Variants in SPI1 observed in about 807,000 individuals in gnomAD.
The protein encoded by SPI1 is Spi-1 proto-oncogene, also known as transcription factor PU.1.
In SPI1, 3 loss-of-function variants were observed where a neutral mutation model predicts 30.7. The observed-to-expected ratio is 0.10, with a 90% CI of 0.04 to 0.25. The LOEUF (loss-of-function observed/expected upper bound fraction) is 0.25. SPI1 is among the 10% of genes least tolerant of loss of function. SPI1 has a pLI of 1.00. For missense variants in SPI1, 261 were observed against 371.5 expected, an observed-to-expected ratio of 0.70 and a Z score of 2.45; for synonymous variants, 169 against 157.1, an observed-to-expected ratio of 1.08 and a Z score of -0.56.
chr11:47,375,447 C>T lies in SPI1; in HGVS notation c.142+186G>A, dbSNP rs1033082689. 2.6e-5 allele frequency among the ~76,000 whole-genome samples: 4 copies of T among 152,346 alleles called. No homozygotes were observed. Among genetic ancestry groups the T allele is most frequent in the South Asian group, 2.1e-4 (1 of 4,826 alleles). ...CGCACCTTGACACACTGCAGAGGCT[C>T]CATAATGGAGGCTCAGGTGTGGGGG... On this transcript the variant is annotated intron_variant, in intron 2 of 4. Transcript: ENST00000378538. This position sits in a 1 kb window ranked among gnomAD's most constrained non-coding sequence, Gnocchi z 4.2.
chr11:47,358,412 G>A (rs901615702), intron 4 of SPI1: 32 of 626,104 alleles, frequency 5.1e-5, no homozygotes, highest in Non-Finnish European at 7.3e-5. Context: ...CTGCTCACAC[G>A]CACTGAAATA....
Position 47,359,133 on chromosome 11 carries a change from T to G in SPI1, c.331-127A>C. The stretch of plus-strand genomic sequence containing the variant: ...GGGGACAATGGCAGGCACAGGAGAC[T>G]GGAGGAAGAAGACCAGGGAAAAGGG... On this transcript the variant is annotated intron_variant, in intron 3 of 4. Coordinates refer to ENST00000378538, the MANE Select transcript of SPI1 (RefSeq NM_003120.3). This position sits in a 1 kb window ranked among gnomAD's most constrained non-coding sequence, Gnocchi z 5.1. 3.1e-6 allele frequency: 2 copies of G among 648,960 alleles called. No homozygotes were observed. The highest frequency in any genetic ancestry group is 5.4e-5 in the Admixed American group (1 of 18,376). 40.2% of individuals were successfully genotyped at this position (648,960 alleles called of 1,614,324 possible).
chr11:47,363,956 C>T lies in SPI1; in HGVS notation c.143-3916G>A, dbSNP rs1215256405. ...CCCGCCTGGGCAATAGAGCCAGACT[C>T]GGTCTCCAAAAAAAAAAAAAAAAAA... On this transcript the variant is annotated intron_variant, in intron 2 of 4. Coordinates refer to ENST00000378538, the MANE Select transcript of SPI1 (RefSeq NM_003120.3). 6.4e-5 allele frequency among the ~76,000 whole-genome samples: 5 copies of T among 77,864 alleles called. 1 individual carries two copies. The highest frequency in any genetic ancestry group is 4.9e-4 in the Admixed American group (3 of 6,164). The allele number at this position is 77,864 out of a possible 152,430, so 51.1% of individuals were successfully genotyped here. A position where few individuals can be genotyped will look rare whatever the true frequency, so the allele number is the denominator to read the frequency against.
At chr11:47,362,776 A>G (rs577769069) in intron 2 of SPI1, among the ~76,000 whole-genome samples, 2 of 151,744 alleles carry the variant, frequency 1.3e-5, no homozygotes, top group South Asian at 4.2e-4. Context: ...GGGTTTCACT[A>G]TATTGGCCAG....
intron 4 of SPI1, among the ~76,000 whole-genome samples, chr11:47,357,479 G>A (rs995312983): frequency 2.0e-5 from 3 of 150,772 alleles, no homozygotes; most frequent in Non-Finnish European, 3.0e-5. Flanking sequence ...ACACTCAAAT[G>A]CTCACACACA....
intron 4 of SPI1, among the ~76,000 whole-genome samples, chr11:47,357,904 C>T (rs572681011): frequency 9.2e-5 from 14 of 152,098 alleles, no homozygotes; most frequent in African/African-American, 2.9e-4. Context: ...ATTCACACAC[C>T]TGCTTTCACA....
rs750423772 is a variant in SPI1 at position 47,359,873 on chromosome 11, G to A, written c.310C>T (p.His104Tyr). The change falls in exon 3 of 5, where the codon CAT (histidine) becomes TAT (tyrosine). Residue 104 changes from histidine to tyrosine, a missense_variant. Physicochemically the swap from His to Tyr is moderately conservative, Grantham distance 83 (BLOSUM62 2). Transcript: ENST00000378538. This position sits in a 1 kb window ranked among gnomAD's most constrained non-coding sequence, Gnocchi z 5.1. Reference sequence around the variant, plus strand: ...TGCACCTGGTGGCCAAGACTGGGATGGGGTGGCACCATGGGGGTATCGAGG... The same window carrying A: ...TGCACCTGGTGGCCAAGACTGGGATAGGGTGGCACCATGGGGGTATCGAGG... ...HVLDTPMVPP[H>Y]PSLGHQVSYL... 2 of 1,607,068 alleles carry A rather than the reference G, an allele frequency of 1.2e-6. No homozygotes were observed. Among genetic ancestry groups the A allele is most frequent in the Non-Finnish European group, 1.7e-6 (2 of 1,179,822 alleles).
chr11:47,369,330 C>A (rs2095932541), intron 2 of SPI1, among the ~76,000 whole-genome samples: 3 of 151,974 alleles, frequency 2.0e-5, no homozygotes, highest in South Asian at 4.2e-4. Flanking sequence ...TTGAATCTGT[C>A]CCCCCCTTTC....
intron 2 of SPI1, 110 bp from the exon 3 acceptor site, chr11:47,360,150 C>T (rs934193112): frequency 2.1e-5 from 20 of 970,244 alleles, no homozygotes; most frequent in African/African-American, 1.8e-4. Flanking sequence ...CTAACCATCT[C>T]GTTTAACCCT....
At chr11:47,364,113 C>G (rs1300549401) in intron 2 of SPI1, among the ~76,000 whole-genome samples, 1 of 54,532 alleles carries the variant, frequency 1.8e-5, no homozygotes, top group Non-Finnish European at 3.5e-5. Flanking sequence ...TGCAGTGGCA[C>G]GATCTTGGCT....
At chr11:47,364,899 T>G (rs908838753) in intron 2 of SPI1, among the ~76,000 whole-genome samples, 1 of 152,218 alleles carries the variant, frequency 6.6e-6, no homozygotes, top group Admixed American at 6.5e-5. Context: ...AAGGAGGTTT[T>G]GTGCTCACAA....
chr11:47,375,620 GC>G lies in SPI1; in HGVS notation c.142+12del, dbSNP rs1290725245. Reference sequence around the variant, plus strand: ...GGGCTGGGGGATGGGGGCGTGGCAGGCCCCGTACTCACCGCTATGGCTCTCC... The same window carrying G: ...GGGCTGGGGGATGGGGGCGTGGCAGGCCCGTACTCACCGCTATGGCTCTCC... On this transcript the variant is annotated intron_variant, in intron 2 of 4. Transcript: ENST00000378538. The surrounding 1 kb of genome is among the most constrained non-coding windows in gnomAD (Gnocchi z 4.2). The G allele has an allele frequency of 6.2e-7, 1 of 1,606,176 alleles. No individual in the cohort carries two copies. Among genetic ancestry groups the G allele is most frequent in the Non-Finnish European group, 8.5e-7 (1 of 1,172,912 alleles).
intron 1 of SPI1, among the ~76,000 whole-genome samples, chr11:47,376,013 G>A (rs1292713833): frequency 2.0e-5 from 3 of 151,716 alleles, no homozygotes; most frequent in East Asian, 1.9e-4. Flanking sequence ...TCACACTCAC[G>A]CCTGTGTGCC....
intron 2 of SPI1, among the ~76,000 whole-genome samples, chr11:47,371,794 A>G (rs1416302428): frequency 1.3e-5 from 2 of 152,272 alleles, no homozygotes; most frequent in South Asian, 2.1e-4. Context: ...CATGGTGTGT[A>G]TGATAAAATC....
rs2095905899 is a variant in SPI1 at position 47,355,069 on chromosome 11, G to A, written c.*158C>T. 2 of 439,530 alleles carry A rather than the reference G, an allele frequency of 4.6e-6. No individual in the cohort carries two copies. The highest frequency in any genetic ancestry group is 7.3e-6 in the Non-Finnish European group (2 of 274,954). The allele number at this position is 439,530 out of a possible 1,614,324, so 27.2% of individuals were successfully genotyped here. A position where few individuals can be genotyped will look rare whatever the true frequency, so the allele number is the denominator to read the frequency against. On this transcript the variant is annotated 3_prime_UTR_variant, in exon 5 of 5. Coordinates refer to ENST00000378538, the MANE Select transcript of SPI1 (RefSeq NM_003120.3). Reference sequence around the variant, plus strand: ...AGGGAGGCGAAGCGGGATGTGGAGGGGGCCTGGAGTGGGGGGAGGGGGCGG... The same window carrying A: ...AGGGAGGCGAAGCGGGATGTGGAGGAGGCCTGGAGTGGGGGGAGGGGGCGG...
chr11:47,369,406 T>G (rs2095932625), intron 2 of SPI1, among the ~76,000 whole-genome samples: 1 of 152,146 alleles, frequency 6.6e-6, no homozygotes, highest in African/African-American at 2.4e-5. Context: ...TGCAATAGTT[T>G]CCTCAATGTT....
At chr11:47,358,253 C>T (rs1364976556) in intron 4 of SPI1, 10 of 431,896 alleles carry the variant, frequency 2.3e-5, no homozygotes, top group Non-Finnish European at 4.3e-5. Flanking sequence ...CACATATACA[C>T]TTGCTCACAC....
rs1037713990 is a variant in SPI1 at position 47,375,319 on chromosome 11, G to A, written c.142+314C>T. Among the ~76,000 whole-genome samples, 3 of 152,210 alleles carry A rather than the reference G, an allele frequency of 2.0e-5. No homozygotes were observed. The highest frequency in any genetic ancestry group is 2.9e-5 in the Non-Finnish European group (2 of 68,028). On this transcript the variant is annotated intron_variant, in intron 2 of 4. Coordinates refer to ENST00000378538, the MANE Select transcript of SPI1 (RefSeq NM_003120.3). This position sits in a 1 kb window ranked among gnomAD's most constrained non-coding sequence, Gnocchi z 4.2. ...CAGACCTGGGTTCCACCCAGCAGCCGTGTGACCTTGTGCAAGTCTCCTAGC... is the reference window on the plus strand; with the variant it reads ...CAGACCTGGGTTCCACCCAGCAGCCATGTGACCTTGTGCAAGTCTCCTAGC...
At chr11:47,365,165 C>T (rs770099221) in intron 2 of SPI1, among the ~76,000 whole-genome samples, 1 of 152,174 alleles carries the variant, frequency 6.6e-6, no homozygotes. Flanking sequence ...CCGGATGACT[C>T]TTCGAGAACA....
Sources: gnomAD v4.1 joint callset for allele counts (sites outside exome capture counted in the v4.1 genomes callset) on GRCh38, gnomAD v4.1.1 for gene constraint, Gnocchi (gnomAD v3.1) non-coding constraint, MANE v1.5 for transcripts, NCBI Gene and HGNC (gene_info 2026-07-23, HGNC 2026-07-21) for gene names.